COMMD7: variants seen among roughly 807,000 people sequenced by gnomAD.
COMMD7 encodes COMM domain containing 7.
Under a neutral mutation model 34.8 loss-of-function variants are expected in COMMD7, and 28 were observed. The observed-to-expected ratio is 0.80, with a 90% CI of 0.60 to 1.10. The LOEUF (loss-of-function observed/expected upper bound fraction) is 1.10, where lower values mean the gene tolerates loss of function less well. Among genes scored for constraint, COMMD7 ranks in the 50% least tolerant of loss-of-function variants. COMMD7 has a pLI of 0.00. For missense variants in COMMD7, 211 were observed against 241.6 expected, an observed-to-expected ratio of 0.87 and a Z score of 0.84; for synonymous variants, 80 against 86.4, an observed-to-expected ratio of 0.93 and a Z score of 0.41.
In COMMD7 at chr20:32,704,510, AAGAGAG is replaced by A. The variant is rs750068657; in HGVS notation, c.428-27_428-22del. ...TGTCACTGTGACAAAAAAAAAAAAA[AAGAGAG>A]AGAGAGAGAGAAATAACAAGTGACT... On this transcript the variant is annotated intron_variant, in intron 6 of 8. Transcript: ENST00000278980. 4.7e-5 allele frequency: 53 copies of A among 1,133,608 alleles called. No homozygotes were observed. In the South Asian group the frequency reaches 7.8e-4, roughly 17 times the overall value. The allele number at this position is 1,133,608 out of a possible 1,614,324, so 70.2% of individuals were successfully genotyped here.
intron 3 of COMMD7, among the ~76,000 whole-genome samples, chr20:32,710,655 G>C (rs1568774958): frequency 1.3e-5 from 2 of 151,382 alleles, no homozygotes; most frequent in South Asian, 2.1e-4. Flanking sequence ...CTTGAGCCCA[G>C]GAGGTTGAGG....
chr20:32,712,568 C>T (rs1349217629), intron 3 of COMMD7, among the ~76,000 whole-genome samples: 2 of 146,422 alleles, frequency 1.4e-5, no homozygotes, highest in Non-Finnish European at 3.0e-5. Flanking sequence ...CCATGGCATA[C>T]TATGTAACAA....
At chr20:32,706,450 T>G in intron 5 of COMMD7, 133 bp downstream of exon 5, 1 of 664,882 alleles carries the variant, frequency 1.5e-6, no homozygotes, top group Non-Finnish European at 2.6e-6. Flanking sequence ...GAGGCAGAGG[T>G]TGTGGTGAGC....
chr20:32,743,329 C>G lies in COMMD7; in HGVS notation c.63G>C (p.Gln21His). The part of the protein sequence containing the change: ...VPEAVGGDMQ[Q>H]LNQLGAQQFS... ...CCACCTGCGCGCCCAGCTGGTTCAG[C>G]TGCTGCATGTCGCCGCCCACGGCCT... Residue 21 changes from glutamine to histidine, a missense_variant, in exon 1 of 9, where the codon CAG (glutamine) becomes CAC (histidine). By Grantham distance (24) the Gln-to-His change is conservative. Transcript: ENST00000278980. 2.0e-6 allele frequency: 3 copies of G among 1,516,914 alleles called. No homozygotes were observed. Among genetic ancestry groups the G allele is most frequent in the Non-Finnish European group, 1.8e-6 (2 of 1,139,016 alleles). The allele number at this position is 1,516,914 out of a possible 1,614,324, so 94.0% of individuals were successfully genotyped here. A position where few individuals can be genotyped will look rare whatever the true frequency, so the allele number is the denominator to read the frequency against.
At chr20:32,739,300 T>C (rs1986301133) in intron 1 of COMMD7, among the ~76,000 whole-genome samples, 1 of 152,096 alleles carries the variant, frequency 6.6e-6, no homozygotes, top group Non-Finnish European at 1.5e-5. Flanking sequence ...CTGTCTCAAT[T>C]TAAAATAATA....
At chr20:32,740,398 A>G (rs1255670149) in intron 1 of COMMD7, among the ~76,000 whole-genome samples, 6 of 152,206 alleles carry the variant, frequency 3.9e-5, no homozygotes, top group Non-Finnish European at 8.8e-5. Context: ...TTGTACCAAA[A>G]AGTAAAATGT....
chr20:32,735,788 G>C (rs548345914), intron 1 of COMMD7, among the ~76,000 whole-genome samples: 1 of 152,280 alleles, frequency 6.6e-6, no homozygotes, highest in African/African-American at 2.4e-5. Context: ...TGGGATTACA[G>C]ACATGCTGTA....
chr20:32,736,817 T>C (rs1049693065), intron 1 of COMMD7, among the ~76,000 whole-genome samples: 5 of 152,136 alleles, frequency 3.3e-5, no homozygotes, highest in African/African-American at 9.6e-5. Flanking sequence ...ACAGTGGGTA[T>C]ATCACTTGAG....
At chr20:32,741,547 C>T (rs1986446999) in intron 1 of COMMD7, among the ~76,000 whole-genome samples, 1 of 152,124 alleles carries the variant, frequency 6.6e-6, no homozygotes, top group Non-Finnish European at 1.5e-5. Context: ...CCCGCCACTA[C>T]ACCCAGCTAA....
intron 5 of COMMD7, 99 bp downstream of exon 5, chr20:32,706,484 C>A: frequency 1.0e-6 from 1 of 965,334 alleles, no homozygotes. Flanking sequence ...CCACTGCACT[C>A]CAGCCTGGAC....
chr20:32,738,341 C>T (rs529827956), intron 1 of COMMD7, among the ~76,000 whole-genome samples: 140 of 152,278 alleles, frequency 9.2e-4, no homozygotes, highest in African/African-American at 2.9e-3. Context: ...ATAATCCCAA[C>T]ACTTTGGGAG....
At chr20:32,740,114 G>A (rs11699309) in intron 1 of COMMD7, among the ~76,000 whole-genome samples, 85,647 of 140,406 alleles carry the variant, frequency 0.61, 31,568 homozygotes, top group Middle Eastern at 0.79. Context: ...TCAGGAGATC[G>A]AGACCATCCT....
intron 1 of COMMD7, among the ~76,000 whole-genome samples, chr20:32,728,569 CT>C (rs1328055034): frequency 1.3e-5 from 2 of 151,146 alleles, no homozygotes; most frequent in African/African-American, 2.4e-5. Context: ...TCTTTCTTTT[CT>C]TTTTTTTTCT....
intron 3 of COMMD7, among the ~76,000 whole-genome samples, chr20:32,720,677 T>C (rs1364612509): frequency 6.6e-6 from 1 of 151,902 alleles, no homozygotes; most frequent in Non-Finnish European, 1.5e-5. Context: ...GGTGTGTTGG[T>C]GCACCGTAGT....
chr20:32,720,652 T>C (rs1364195451), intron 3 of COMMD7, among the ~76,000 whole-genome samples: 3 of 151,840 alleles, frequency 2.0e-5, no homozygotes, highest in African/African-American at 7.3e-5. Flanking sequence ...CTACAAAAAA[T>C]ACAAAAATTA....
At chr20:32,708,976 T>C (rs1984263344) in intron 3 of COMMD7, among the ~76,000 whole-genome samples, 1 of 152,056 alleles carries the variant, frequency 6.6e-6, no homozygotes, top group African/African-American at 2.4e-5. Flanking sequence ...CCAGCTATTA[T>C]TTTAACTTAG....
At chr20:32,706,294 A>G (rs143349395) in intron 5 of COMMD7, among the ~76,000 whole-genome samples, 2,613 of 151,966 alleles carry the variant, frequency 0.017, 81 homozygotes, top group African/African-American at 0.059. Flanking sequence ...TGGGTGGATC[A>G]CAATGTCAGG....
intron 3 of COMMD7, among the ~76,000 whole-genome samples, chr20:32,715,324 A>C (rs1028560691): frequency 1.3e-5 from 2 of 148,316 alleles, no homozygotes; most frequent in African/African-American, 5.0e-5. Flanking sequence ...CTCTACCAAA[A>C]ATACAAAAAT....
intron 1 of COMMD7, among the ~76,000 whole-genome samples, chr20:32,728,591 C>T (rs565334089): frequency 6.6e-6 from 1 of 152,124 alleles, no homozygotes; most frequent in East Asian, 1.9e-4. Flanking sequence ...TTCCCTGAGA[C>T]AGGGTCTCTC....
Sources: allele counts gnomAD v4.1 joint callset (sites outside exome capture counted in the v4.1 genomes callset), GRCh38; gene constraint gnomAD v4.1.1; transcripts MANE v1.5; gene names NCBI Gene and HGNC (gene_info 2026-07-23, HGNC 2026-07-21).